CACNA1E: variants seen among roughly 807,000 people sequenced by gnomAD.
The protein encoded by CACNA1E is calcium voltage-gated channel subunit alpha1 E.
In CACNA1E, 40 loss-of-function variants were observed where a neutral mutation model predicts 259.2. That is an observed-to-expected ratio of 0.15 (90% confidence interval 0.12 to 0.20). The LOEUF is 0.20. Ranked by LOEUF, CACNA1E falls within the 10% of genes least tolerant of loss-of-function variation. The probability of loss-of-function intolerance (pLI) is 1.00; values close to 1 mark genes in which losing one functional copy is unlikely to be tolerated. For synonymous variants in CACNA1E, 1,104 were observed against 1,138.5 expected (o/e 0.97, Z 0.61); for missense variants, 1,874 against 3,040.1 (o/e 0.62, Z 9.02).
chr1:181,435,009 A>G (rs991222429), intron 2 of CACNA1E, among the ~76,000 whole-genome samples: 4 of 152,240 alleles, frequency 2.6e-5, no homozygotes, highest in Non-Finnish European at 2.9e-5. Context: ...TTATCAGGAC[A>G]CAATCTGATC....
At chr1:181,656,822 G>A (rs181893424) in intron 7 of CACNA1E, among the ~76,000 whole-genome samples, 1 of 152,232 alleles carries the variant, frequency 6.6e-6, no homozygotes, top group African/African-American at 2.4e-5. Context: ...ATATTTAGAT[G>A]TACAAATACT....
At chr1:181,544,592 ATGG>A (rs1480802805) in intron 3 of CACNA1E, among the ~76,000 whole-genome samples, 5 of 152,212 alleles carry the variant, frequency 3.3e-5, no homozygotes, top group Non-Finnish European at 7.3e-5. Context: ...CATACTACAA[ATGG>A]TGGCAGTGGT....
At chr1:181,377,782 G>A (rs1231566131) in intron 1 of CACNA1E, among the ~76,000 whole-genome samples, 2 of 152,146 alleles carry the variant, frequency 1.3e-5, no homozygotes, top group African/African-American at 2.4e-5. Context: ...AAAAATGAAT[G>A]CATAATGAGG....
chr1:181,583,008 C>T (rs1196956658), intron 6 of CACNA1E, among the ~76,000 whole-genome samples: 1 of 151,988 alleles, frequency 6.6e-6, no homozygotes, highest in African/African-American at 2.4e-5. Flanking sequence ...CTGAAGGCCT[C>T]CTGCTATTCT....
chr1:181,419,149 A>C (rs1658517924), intron 2 of CACNA1E, among the ~76,000 whole-genome samples: 1 of 152,182 alleles, frequency 6.6e-6, no homozygotes, highest in South Asian at 2.1e-4. Flanking sequence ...GTTTCTGTCC[A>C]AGAGTCTTAA....
In CACNA1E at chr1:181,716,042, C is replaced by A; in HGVS notation, c.1228C>A (p.Leu410Ile). The A allele has an allele frequency of 6.4e-7, 1 of 1,564,104 alleles. No individual in the cohort carries two copies. Among genetic ancestry groups the A allele is most frequent in the East Asian group, 2.4e-5 (1 of 42,028 alleles). The change falls in exon 10 of 48, where the codon CTT becomes ATT. Residue 410 changes from leucine to isoleucine, a missense_variant and splice_region_variant. By Grantham distance (5) the Leu-to-Ile change is conservative (BLOSUM62 2). Coordinates refer to ENST00000367573, the MANE Select transcript of CACNA1E (RefSeq NM_001205293.3). Reference sequence around the variant, plus strand: ...GGTCTTCCCTTTCCCTGATGCAGTGCTTCGAAGGGCAACCATCAAGAGGAG... The same window carrying A: ...GGTCTTCCCTTTCCCTGATGCAGTGATTCGAAGGGCAACCATCAAGAGGAG... ...KNAGTSALEVLRRATIKRSRT... is the reference protein window; with the variant it reads ...KNAGTSALEVIRRATIKRSRT...
At chr1:181,677,761 G>A (rs963381837) in intron 7 of CACNA1E, among the ~76,000 whole-genome samples, 64 of 152,198 alleles carry the variant, frequency 4.2e-4, no homozygotes, top group African/African-American at 1.5e-3. Flanking sequence ...GGTGAGATTT[G>A]AACAGGGCTT....
chr1:181,423,662 AT>A (rs11302089), intron 2 of CACNA1E, among the ~76,000 whole-genome samples: 48,101 of 131,248 alleles, frequency 0.37, 7,726 homozygotes, highest in African/African-American at 0.42. Flanking sequence ...CATTGGGCCA[AT>A]TTTTTTTTTT....
At chr1:181,734,820 A>G (rs1655881843) in intron 21 of CACNA1E, among the ~76,000 whole-genome samples, 1 of 138,136 alleles carries the variant, frequency 7.2e-6, no homozygotes, top group South Asian at 2.4e-4. Context: ...TCCACACCCT[A>G]TCCTTGCCCT....
At chr1:181,554,374 A>T (rs770362442) in intron 3 of CACNA1E, among the ~76,000 whole-genome samples, 1 of 152,126 alleles carries the variant, frequency 6.6e-6, no homozygotes, top group East Asian at 1.9e-4. Context: ...AATGGCACAG[A>T]CTCTGACAGG....
intron 25 of CACNA1E, among the ~76,000 whole-genome samples, chr1:181,749,733 C>T (rs1022459184): frequency 1.3e-5 from 2 of 152,172 alleles, no homozygotes; most frequent in African/African-American, 4.8e-5. Context: ...TATTTATGCC[C>T]TGACTTATTT....
At chr1:181,650,304 G>C (rs1161724239) in intron 6 of CACNA1E, among the ~76,000 whole-genome samples, 1 of 152,188 alleles carries the variant, frequency 6.6e-6, no homozygotes, top group African/African-American at 2.4e-5. Context: ...TGAGTTTTAG[G>C]CATGGCATTT....
intron 1 of CACNA1E, among the ~76,000 whole-genome samples, chr1:181,349,004 T>G (rs1652827339): frequency 6.6e-6 from 1 of 151,642 alleles, no homozygotes; most frequent in Non-Finnish European, 1.5e-5. Context: ...GCCATGCCAT[T>G]CTCCTGGGCA....
At chr1:181,796,208 T>C (rs1661792241) in intron 46 of CACNA1E, among the ~76,000 whole-genome samples, 1 of 152,172 alleles carries the variant, frequency 6.6e-6, no homozygotes, top group Non-Finnish European at 1.5e-5. Context: ...CCCTTTCAGA[T>C]CATCTTTTGA....
chr1:181,660,703 C>G (rs150067387), intron 7 of CACNA1E, among the ~76,000 whole-genome samples: 169 of 152,242 alleles, frequency 1.1e-3, no homozygotes, highest in African/African-American at 3.7e-3. Context: ...ATTATTCATG[C>G]CCAGCTCAGT....
intron 3 of CACNA1E, among the ~76,000 whole-genome samples, chr1:181,524,775 A>T (rs1667234026): frequency 2.0e-5 from 3 of 152,240 alleles, no homozygotes; most frequent in Non-Finnish European, 4.4e-5. Flanking sequence ...AGGAACAGCC[A>T]TGTGGCTCAG....
At chr1:181,684,341 C>T (rs114573555) in intron 7 of CACNA1E, among the ~76,000 whole-genome samples, 1,715 of 151,926 alleles carry the variant, frequency 0.011, 28 homozygotes, top group African/African-American at 0.038. Context: ...TTGGTTTTCA[C>T]TGTTGATTTA....
chr1:181,453,728 C>T (rs767816229), intron 2 of CACNA1E, among the ~76,000 whole-genome samples: 3 of 152,172 alleles, frequency 2.0e-5, no homozygotes, highest in African/African-American at 4.8e-5. Context: ...GGAGAGCTGA[C>T]CCTGATAAAT....
chr1:181,390,457 T>G lies in CACNA1E; in HGVS notation c.-14-22676T>G, dbSNP rs548957799. Among the ~76,000 whole-genome samples the G allele has an allele frequency of 7.8e-4, 119 of 152,266 alleles. 1 individual carries two copies. The highest frequency in any genetic ancestry group is 2.7e-3 in the African/African-American group (112 of 41,550). The stretch of plus-strand genomic sequence containing the variant: ...AATAGACATTTGTTGAGCTTCTGCG[T>G]GTCCTTCCTGCCACAAAGGATGGAA... On this transcript the variant is annotated intron_variant, in intron 1 of 11. Coordinates refer to the CACNA1E transcript ENST00000524607.
Sources: gnomAD v4.1 joint callset for allele counts (sites outside exome capture counted in the v4.1 genomes callset) on GRCh38, gnomAD v4.1.1 for gene constraint, MANE v1.5 for transcripts, NCBI Gene and HGNC (gene_info 2026-07-23, HGNC 2026-07-21) for gene names.